Variants in ASIC2 observed in about 807,000 individuals in gnomAD.
The protein encoded by ASIC2 is acid-sensing ion channel 2.
In ASIC2, 25 loss-of-function variants were observed where a neutral mutation model predicts 57.3. The observed-to-expected ratio is 0.44, with a 90% CI of 0.32 to 0.61. The LOEUF is 0.61. Ranked by LOEUF, ASIC2 falls within the 20% of genes least tolerant of loss-of-function variation. ASIC2 has a pLI of 0.06. For missense variants in ASIC2, 641 were observed against 738.1 expected (o/e 0.87, Z 1.52); for synonymous variants, 319 against 307.5 (o/e 1.04, Z -0.39).
chr17:33,021,643 T>G (rs1185608132), intron 6 of ASIC2, among the ~76,000 whole-genome samples: 2 of 152,196 alleles, frequency 1.3e-5, no homozygotes, highest in Non-Finnish European at 2.9e-5. Context: ...GAAGGTGAGT[T>G]TCATTAATCT....
At chr17:33,320,249 T>G (rs900892582) in intron 1 of ASIC2, among the ~76,000 whole-genome samples, 1 of 152,302 alleles carries the variant, frequency 6.6e-6, no homozygotes, top group Non-Finnish European at 1.5e-5. Context: ...TTTTGAGGTA[T>G]TTTTTTAAGG....
intron 1 of ASIC2, among the ~76,000 whole-genome samples, chr17:33,171,448 A>T (rs963931533): frequency 6.6e-6 from 1 of 152,102 alleles, no homozygotes; most frequent in African/African-American, 2.4e-5. Flanking sequence ...TTGTCTTTCA[A>T]CCTTCTCTGT....
intron 1 of ASIC2, among the ~76,000 whole-genome samples, chr17:33,742,777 T>C (rs1370267744): frequency 6.6e-6 from 1 of 152,216 alleles, no homozygotes; most frequent in African/African-American, 2.4e-5. Flanking sequence ...TTTGACCAGA[T>C]GGTGATGTAA....
At chr17:33,975,973 GCCT>G (rs1340624843) in intron 1 of ASIC2, among the ~76,000 whole-genome samples, 2 of 151,950 alleles carry the variant, frequency 1.3e-5, no homozygotes, top group South Asian at 2.1e-4. Context: ...TCACTGGATG[GCCT>G]CCTCAACTGG....
intron 3 of ASIC2, among the ~76,000 whole-genome samples, chr17:33,074,545 G>A (rs1192648314): frequency 6.6e-6 from 1 of 152,142 alleles, no homozygotes; most frequent in Non-Finnish European, 1.5e-5. Context: ...TCCATGTCTA[G>A]GTTCCTCTAT....
At chr17:33,820,946 C>T (rs1912728232) in intron 1 of ASIC2, among the ~76,000 whole-genome samples, 1 of 152,242 alleles carries the variant, frequency 6.6e-6, no homozygotes, top group South Asian at 2.1e-4. Flanking sequence ...GTAGACCACC[C>T]AGCCAGCTTT....
chr17:33,035,544 A>AGAT (rs1231635200), intron 3 of ASIC2, among the ~76,000 whole-genome samples: 2 of 152,204 alleles, frequency 1.3e-5, no homozygotes, highest in African/African-American at 4.8e-5. Flanking sequence ...CTTTGTTTAG[A>AGAT]GATAGGTATA....
At chr17:33,081,536 T>C (rs906664195) in intron 3 of ASIC2, among the ~76,000 whole-genome samples, 2 of 151,086 alleles carry the variant, frequency 1.3e-5, no homozygotes, top group Non-Finnish European at 2.9e-5. Flanking sequence ...ACTAAAGTCA[T>C]GTGTAATAAA....
chr17:33,778,890 C>T (rs907615971), intron 1 of ASIC2, among the ~76,000 whole-genome samples: 4 of 152,126 alleles, frequency 2.6e-5, no homozygotes, highest in Non-Finnish European at 5.9e-5. Flanking sequence ...GCAATAGGGG[C>T]AGGGCGCCTA....
intron 1 of ASIC2, among the ~76,000 whole-genome samples, chr17:33,703,643 G>A (rs533965714): frequency 1.6e-4 from 25 of 152,204 alleles, no homozygotes; most frequent in Non-Finnish European, 3.2e-4. Flanking sequence ...GTCAGCCACC[G>A]TGCCCAGCAT....
At chr17:33,360,017 C>T (rs1418553863) in intron 1 of ASIC2, among the ~76,000 whole-genome samples, 1 of 152,148 alleles carries the variant, frequency 6.6e-6, no homozygotes, top group Non-Finnish European at 1.5e-5. Context: ...TGAACTTACT[C>T]CTACCCAATA....
intron 1 of ASIC2, chr17:33,793,893 T>C (rs935986141): frequency 2.6e-5 from 4 of 152,112 alleles, no homozygotes; most frequent in African/African-American, 9.7e-5. Context: ...TATCTCCAGG[T>C]GGTATGGTAG....
At chr17:33,776,997 C>A (rs190055604) in intron 1 of ASIC2, among the ~76,000 whole-genome samples, 1 of 152,204 alleles carries the variant, frequency 6.6e-6, no homozygotes, top group Non-Finnish European at 1.5e-5. Flanking sequence ...CCGAGCCCTG[C>A]GATGGCTTCC....
chr17:33,492,727 C>T (rs1007386409), intron 1 of ASIC2, among the ~76,000 whole-genome samples: 1 of 152,190 alleles, frequency 6.6e-6, no homozygotes, highest in Non-Finnish European at 1.5e-5. Flanking sequence ...GCTGGGGGGA[C>T]ACATCTCTAC....
At position 33,850,002 on chromosome 17, in the gene ASIC2, C is replaced by A. The variant is rs1042917502; in HGVS notation, c.555+305976G>T. Among the ~76,000 whole-genome samples the A allele has an allele frequency of 3.4e-4, 50 of 147,162 alleles. 1 individual carries two copies. The highest frequency in any genetic ancestry group is 1.2e-3 in the African/African-American group (48 of 41,416). The stretch of plus-strand genomic sequence containing the variant: ...AGATATACAAAGTATTTTTTGAATT[C>A]TGCTATGTTAAAGGTATGTTGTTTC... On this transcript the variant is annotated intron_variant, in intron 1 of 9. Coordinates refer to the ASIC2 transcript ENST00000359872.
chr17:33,893,986 C>T (rs1188318902), intron 1 of ASIC2, among the ~76,000 whole-genome samples: 1 of 150,912 alleles, frequency 6.6e-6, no homozygotes, highest in East Asian at 1.9e-4. Flanking sequence ...GCTACTTGCC[C>T]CTTGAGCATC....
intron 1 of ASIC2, among the ~76,000 whole-genome samples, chr17:33,202,569 T>C (rs1208156965): frequency 1.3e-5 from 2 of 152,168 alleles, no homozygotes; most frequent in African/African-American, 4.8e-5. Context: ...CTTGCTGGAC[T>C]TGGCAGCTGG....
rs61218521 is a variant in ASIC2, at chr17:33,865,759, T to TA, written c.555+290218dup. The stretch of plus-strand genomic sequence containing the variant: ...AACTTAGAGTATAATAAAAAAAAAA[T>TA]AAAAAAAAAAAACAAAAAAAAAAAC... On this transcript the variant is annotated intron_variant, in intron 1 of 9. Coordinates refer to the ASIC2 transcript ENST00000359872. Among the ~76,000 whole-genome samples, 565 of 122,116 alleles carry TA rather than the reference T, an allele frequency of 4.6e-3. 3 individuals carry two copies. The highest frequency in any genetic ancestry group is 0.015 in the African/African-American group (480 of 31,882). 80.1% of individuals were successfully genotyped at this position (122,116 alleles called of 152,430 possible). A position where few individuals can be genotyped will look rare whatever the true frequency, so the allele number is the denominator to read the frequency against.
intron 1 of ASIC2, among the ~76,000 whole-genome samples, chr17:33,735,401 T>C (rs987567822): frequency 6.6e-6 from 1 of 152,166 alleles, no homozygotes; most frequent in Non-Finnish European, 1.5e-5. Flanking sequence ...GTTCACTGTA[T>C]TATTCCTGAC....
Sources: allele counts gnomAD v4.1 joint callset (sites outside exome capture counted in the v4.1 genomes callset), GRCh38; gene constraint gnomAD v4.1.1; transcripts MANE v1.5; gene names NCBI Gene and HGNC (gene_info 2026-07-23, HGNC 2026-07-21).